The following SYNE2 variants were observed in gnomAD, a reference collection of about 807,000 sequenced individuals.
SYNE2 encodes spectrin repeat containing nuclear envelope protein 2, also known as nesprin-2.
SYNE2 carries 431 observed loss-of-function variants against 856.3 expected under a neutral mutation model. That is an observed-to-expected ratio of 0.50 (90% CI 0.47 to 0.55). SYNE2 has a LOEUF of 0.55. Ranked by LOEUF, SYNE2 falls within the 20% of genes least tolerant of loss-of-function variation. The probability of loss-of-function intolerance (pLI) is 0.00; values close to 1 mark genes in which losing one functional copy is unlikely to be tolerated. For synonymous variants in SYNE2, 2,923 were observed against 2,872.3 expected (o/e 1.02, Z -0.56); for missense variants, 8,129 against 8,023.2 (o/e 1.01, Z -0.50).
chr14:64,115,840 G>C (rs1201916298), intron 66 of SYNE2, among the ~76,000 whole-genome samples: 1 of 152,116 alleles, frequency 6.6e-6, no homozygotes, highest in Non-Finnish European at 1.5e-5. Flanking sequence ...AATGGCCAAA[G>C]GACAGGAGCA....
chr14:64,174,356 G>A (rs1343431470), intron 94 of SYNE2, among the ~76,000 whole-genome samples: 1 of 152,232 alleles, frequency 6.6e-6, no homozygotes, highest in Non-Finnish European at 1.5e-5. Context: ...ACAGGCATGA[G>A]CCATCACTTC....
chr14:63,919,587 C>T (rs916042972), intron 2 of SYNE2, among the ~76,000 whole-genome samples: 11 of 151,934 alleles, frequency 7.2e-5, no homozygotes, highest in South Asian at 2.1e-4. Context: ...TGGGTCTTTC[C>T]GTGTTTAGAG....
At chr14:64,075,754 C>T in intron 53 of SYNE2, 191 bp from the exon 54 acceptor site, 1 of 586,304 alleles carries the variant, frequency 1.7e-6, no homozygotes, top group South Asian at 2.0e-5. Context: ...TTAATTCTTA[C>T]AAATTAGAAA....
intron 1 of SYNE2, among the ~76,000 whole-genome samples, chr14:63,908,012 G>T (rs766031381): frequency 2.4e-4 from 36 of 152,130 alleles, no homozygotes; most frequent in Non-Finnish European, 4.7e-4. Context: ...GAGGGGGCAG[G>T]CAGGATTGAA....
chr14:63,793,560 C>A (rs1268926628), intron 1 of SYNE2, among the ~76,000 whole-genome samples: 1 of 152,008 alleles, frequency 6.6e-6, no homozygotes, highest in African/African-American at 2.4e-5. Context: ...TCTCAACTTT[C>A]CCTATTCAGA....
intron 70 of SYNE2, among the ~76,000 whole-genome samples, chr14:64,124,757 C>T (rs897519007): frequency 3.9e-5 from 6 of 152,084 alleles, no homozygotes; most frequent in Non-Finnish European, 7.4e-5. Context: ...AATCCCAGCA[C>T]TTTGGGAGGC....
intron 77 of SYNE2, among the ~76,000 whole-genome samples, chr14:64,132,985 G>A (rs1038309203): frequency 2.6e-5 from 4 of 152,058 alleles, no homozygotes; most frequent in South Asian, 2.1e-4. Flanking sequence ...GGCAGATCAC[G>A]AGGTCAGGAG....
chr14:64,215,896 T>C, intron 107 of SYNE2: 1 of 1,255,694 alleles, frequency 8.0e-7, no homozygotes, highest in Non-Finnish European at 1.0e-6. Flanking sequence ...CAAGTCCATC[T>C]TGATGTTCAC....
intron 17 of SYNE2, 46 bp from the exon 18 acceptor site, chr14:63,983,691 A>G (rs2096603730): frequency 6.7e-7 from 1 of 1,496,020 alleles, no homozygotes; most frequent in Non-Finnish European, 9.3e-7. Flanking sequence ...ATATTAGCAT[A>G]AAATAAAAAT....
intron 19 of SYNE2, among the ~76,000 whole-genome samples, chr14:63,989,432 G>T (rs1278622719): frequency 6.6e-6 from 1 of 152,074 alleles, no homozygotes; most frequent in African/African-American, 2.4e-5. Flanking sequence ...CTACCTCCCA[G>T]GTTCAAGAGA....
rs565579738 is a variant in SYNE2, at chr14:63,875,576, CAG to C, written c.-52+22437_-52+22438del. 3.7e-3 allele frequency among the ~76,000 whole-genome samples: 563 copies of C among 151,876 alleles called. 6 individuals are homozygous for C. The highest frequency in any genetic ancestry group is 0.013 in the African/African-American group (545 of 41,398). ...ATGCTGTTGCCTGCGTTTGTGGAAA[CAG>C]AGACCTTTATGGGACACTGAGCAAG... On this transcript the variant is annotated intron_variant, in intron 1 of 115. Transcript: ENST00000555002.
At chr14:64,123,421 C>A (rs1184458432) in intron 70 of SYNE2, among the ~76,000 whole-genome samples, 1 of 152,244 alleles carries the variant, frequency 6.6e-6, no homozygotes, top group East Asian at 1.9e-4. Flanking sequence ...ATTTCCCAGT[C>A]TGATAGGACT....
chr14:64,100,531 A>AATATATATAT (rs1204839640), intron 63 of SYNE2, among the ~76,000 whole-genome samples: 54 of 39,422 alleles, frequency 1.4e-3, no homozygotes, highest in Admixed American at 2.9e-3. Context: ...AAAAAAAAAA[A>AATATATATAT]ATATATATAT....
At chr14:64,160,961 GAAA>G (rs917481977) in intron 87 of SYNE2, among the ~76,000 whole-genome samples, 1 of 150,272 alleles carries the variant, frequency 6.7e-6, no homozygotes, top group Non-Finnish European at 1.5e-5. Context: ...AGGAAACAAA[GAAA>G]AAAAAACCCA....
chr14:64,205,742 G>A (rs2098602216), intron 100 of SYNE2, among the ~76,000 whole-genome samples: 1 of 152,154 alleles, frequency 6.6e-6, no homozygotes, highest in Non-Finnish European at 1.5e-5. Flanking sequence ...ACAGGAAGTA[G>A]TGGCAATTTT....
chr14:64,225,917 TC>T lies in SYNE2; in HGVS notation c.*393del, dbSNP rs2098716679. On this transcript the variant is annotated 3_prime_UTR_variant, in exon 116 of 116. Transcript: ENST00000555002. ...ATATTATAGAAGCAAGCGAGGACAT[TC>T]CACCCTAGAAATGGTTCAGAAACTC... is the stretch of plus-strand genomic sequence containing the variant. 4.9e-6 allele frequency: 2 copies of T among 408,888 alleles called. No individual in the cohort carries two copies. The highest frequency in any genetic ancestry group is 4.4e-6 in the Non-Finnish European group (1 of 226,294). 25.3% of individuals were successfully genotyped at this position (408,888 alleles called of 1,614,324 possible).
intron 1 of SYNE2, among the ~76,000 whole-genome samples, chr14:63,853,727 G>C (rs1220694310): frequency 3.3e-5 from 5 of 151,690 alleles, no homozygotes; most frequent in Non-Finnish European, 7.4e-5. Flanking sequence ...GCGCGGGGAC[G>C]GGCGGCCCGG....
chr14:64,131,663 C>T (rs11624917), intron 76 of SYNE2, among the ~76,000 whole-genome samples: 13,451 of 151,986 alleles, frequency 0.089, 822 homozygotes, highest in East Asian at 0.27. Context: ...CTCATTGTAG[C>T]CTCGAGATCC....
intron 31 of SYNE2, among the ~76,000 whole-genome samples, chr14:64,009,099 A>G (rs2096823331): frequency 6.6e-6 from 1 of 152,138 alleles, no homozygotes; most frequent in Non-Finnish European, 1.5e-5. Context: ...AAGAATTGAG[A>G]TTCAAAGAGG....
Sources: allele counts gnomAD v4.1 joint callset (sites outside exome capture counted in the v4.1 genomes callset), GRCh38; gene constraint gnomAD v4.1.1; transcripts MANE v1.5; gene names NCBI Gene and HGNC (gene_info 2026-07-23, HGNC 2026-07-21).